CLINT1: variants seen among roughly 807,000 people sequenced by gnomAD.
CLINT1 encodes the protein clathrin interactor 1.
A neutral mutation model predicts 70.4 loss-of-function variants in CLINT1; 15 were observed. The observed-to-expected ratio is 0.21, with a 90% confidence interval of 0.14 to 0.33. CLINT1 has a LOEUF of 0.33. Among genes scored for constraint, CLINT1 ranks in the 10% least tolerant of loss-of-function variants. CLINT1 has a pLI of 1.00. For synonymous variants in CLINT1, 227 were observed against 254.7 expected (o/e 0.89, Z 1.04); for missense variants, 615 against 778.1 (o/e 0.79, Z 2.49).
chr5:157,789,849 C>T (rs903734571), intron 10 of CLINT1: 32 of 402,002 alleles, frequency 8.0e-5, no homozygotes, highest in African/African-American at 5.5e-4. Flanking sequence ...GGGGAACTAC[C>T]GATTTTAGGT....
At chr5:157,831,690 ATCCT>A in intron 1 of CLINT1, among the ~76,000 whole-genome samples, 1 of 135,610 alleles carries the variant, frequency 7.4e-6, no homozygotes, top group Non-Finnish European at 1.6e-5. Context: ...GAGTGAAAAT[ATCCT>A]TTTTTTTTTT....
chr5:157,848,739 G>C (rs983160120), intron 1 of CLINT1, among the ~76,000 whole-genome samples: 4 of 152,170 alleles, frequency 2.6e-5, no homozygotes, highest in Non-Finnish European at 5.9e-5. Context: ...TTGGCTCACC[G>C]CAACCTCTGC....
At chr5:157,807,331 G>A (rs1284129048) in intron 6 of CLINT1, among the ~76,000 whole-genome samples, 2 of 152,032 alleles carry the variant, frequency 1.3e-5, no homozygotes, top group African/African-American at 4.8e-5. Context: ...ATGACCTGAA[G>A]ATTCCCATTA....
chr5:157,809,669 C>T lies in CLINT1; in HGVS notation c.654G>A (p.Lys218=). 2 of 1,612,972 alleles carry T rather than the reference C, an allele frequency of 1.2e-6. No homozygotes were observed. Among genetic ancestry groups the T allele is most frequent in the South Asian group, 1.1e-5 (1 of 90,882 alleles). The change falls in exon 6 of 12, where the codon AAG becomes AAA. Residue 218 remains lysine, a synonymous_variant. Transcript: ENST00000411809. ...IGSTIDDTIS[K]FRRKDREDSP... is the part of the protein sequence containing the mutation. ...AGTCTTCTCTATCTTTCCTCCGGAA[C>T]TTGCTGATGGTGTCATCAATTGTGC...
intron 1 of CLINT1, among the ~76,000 whole-genome samples, chr5:157,841,779 T>A (rs1753186865): frequency 1.3e-5 from 2 of 152,030 alleles, no homozygotes; most frequent in Non-Finnish European, 2.9e-5. Flanking sequence ...CATCATCACA[T>A]AATCTGTGAG....
intron 1 of CLINT1, among the ~76,000 whole-genome samples, chr5:157,849,358 A>G (rs1753495056): frequency 6.6e-6 from 1 of 152,190 alleles, no homozygotes; most frequent in South Asian, 2.1e-4. Flanking sequence ...CTTTTTAGCA[A>G]TAAGATATTT....
chr5:157,794,655 AAG>A (rs1398490241), intron 9 of CLINT1, among the ~76,000 whole-genome samples: 1 of 152,194 alleles, frequency 6.6e-6, no homozygotes, highest in Non-Finnish European at 1.5e-5. Flanking sequence ...AAAGCTAAAC[AAG>A]AGTCACCTAT....
chr5:157,846,873 G>A (rs1476550894), intron 1 of CLINT1, among the ~76,000 whole-genome samples: 5 of 152,142 alleles, frequency 3.3e-5, no homozygotes, highest in Non-Finnish European at 5.9e-5. Flanking sequence ...AAATGATGGC[G>A]CATCTGTTTA....
intron 1 of CLINT1, among the ~76,000 whole-genome samples, chr5:157,830,052 G>C (rs904577064): frequency 6.6e-6 from 1 of 152,044 alleles, no homozygotes; most frequent in East Asian, 1.9e-4. Flanking sequence ...AGGCTCAAGC[G>C]ATCCTCTCAC....
At chr5:157,795,809 G>C (rs566287074) in intron 8 of CLINT1, 8 of 152,230 alleles carry the variant, frequency 5.3e-5, no homozygotes, top group Admixed American at 4.6e-4. Flanking sequence ...TAGCAGGATC[G>C]CTTGAGCCCA....
At chr5:157,792,163 G>A (rs986993282) in intron 9 of CLINT1, among the ~76,000 whole-genome samples, 168 bp from the exon 10 acceptor site, 2 of 152,224 alleles carry the variant, frequency 1.3e-5, no homozygotes, top group African/African-American at 4.8e-5. Flanking sequence ...TTACACGAGA[G>A]TTAACAAGGT....
rs914302839 is a variant in CLINT1 at position 157,794,952 on chromosome 5, C to T, written c.1033G>A (p.Gly345Arg). The change falls in exon 9 of 12, where the codon GGA becomes AGA. Residue 345 changes from glycine to arginine, a missense_variant. Gly to Arg is a moderately radical substitution (Grantham distance 125). Coordinates refer to ENST00000411809, the MANE Select transcript of CLINT1 (RefSeq NM_014666.4). ...GCTGAGCCAAAGTCAGCAAATCCTC[C>T]GAATAAATCAGCTGATCCTCCTAGA... Reference protein sequence around the residue: ...QSTGGSADLFGGFADFGSAAA... With the variant: ...QSTGGSADLFRGFADFGSAAA... 13 of 1,554,350 alleles carry T rather than the reference C, an allele frequency of 8.4e-6. No homozygotes were observed. Among genetic ancestry groups the T allele is most frequent in the East Asian group, 7.3e-5 (3 of 41,290 alleles).
At chr5:157,808,281 T>C (rs1762446361) in intron 6 of CLINT1, among the ~76,000 whole-genome samples, 1 of 152,116 alleles carries the variant, frequency 6.6e-6, no homozygotes, top group Non-Finnish European at 1.5e-5. Flanking sequence ...TATGAAAACA[T>C]CCTAAAAATA....
At chr5:157,817,337 T>G (rs1198630109) in intron 2 of CLINT1, 106 bp downstream of exon 2, 1 of 704,862 alleles carries the variant, frequency 1.4e-6, no homozygotes, top group African/African-American at 1.8e-5. Context: ...TTATGCAAAA[T>G]TTATATTTTG....
intron 8 of CLINT1, among the ~76,000 whole-genome samples, chr5:157,798,214 C>T (rs538073787): frequency 6.6e-6 from 1 of 152,090 alleles, no homozygotes; most frequent in Non-Finnish European, 1.5e-5. Flanking sequence ...AGCATTTTCC[C>T]AGAAAACTTC....
rs1006890296 is a variant in CLINT1 at position 157,796,643 on chromosome 5, T to C, written c.1013-1671A>G. 3.3e-5 allele frequency among the ~76,000 whole-genome samples: 5 copies of C among 152,186 alleles called. No homozygotes were observed. In the East Asian group the frequency reaches 7.7e-4, roughly 23 times the overall value. ...ACCAGGGACAGCTTCCAACATCTGGTGCCATTTCTGAATTGTCTTATCGCT... is the reference window on the plus strand; with the variant it reads ...ACCAGGGACAGCTTCCAACATCTGGCGCCATTTCTGAATTGTCTTATCGCT... On this transcript the variant is annotated intron_variant, in intron 8 of 11. Transcript: ENST00000411809.
In CLINT1 at chr5:157,830,796, CTATA is replaced by C. The variant is rs369160163; in HGVS notation, c.42-13253_42-13250del. Among the ~76,000 whole-genome samples the C allele has an allele frequency of 8.8e-3, 753 of 85,662 alleles. 9 individuals carry two copies. Among genetic ancestry groups the C allele is most frequent in the Middle Eastern group, 0.021 (3 of 146 alleles). 56.2% of individuals were successfully genotyped at this position (85,662 alleles called of 152,430 possible). A position where few individuals can be genotyped will look rare whatever the true frequency, so the allele number is the denominator to read the frequency against. ...TCTCTCTCTCTCTCTCTCTCTCTCTCTATATATATATATATATATAGAAACACAT... is the reference window on the plus strand; with the variant it reads ...TCTCTCTCTCTCTCTCTCTCTCTCTCTATATATATATATATAGAAACACAT... On this transcript the variant is annotated intron_variant, in intron 1 of 11. Transcript: ENST00000411809.
At chr5:157,846,599 T>A (rs563812993) in intron 1 of CLINT1, among the ~76,000 whole-genome samples, 295 of 152,326 alleles carry the variant, frequency 1.9e-3, no homozygotes, top group African/African-American at 6.9e-3. Context: ...AAGGTCTAGC[T>A]AAGATCATCT....
rs116769755 is a variant in CLINT1, at chr5:157,796,795, A to G, written c.1013-1823T>C. On this transcript the variant is annotated intron_variant, in intron 8 of 11. Transcript: ENST00000411809. ...AGTTTCTGATATGTGTGTACTTGGT[A>G]TTTCTTTTTAATGCATATTTACTGT... Among the ~76,000 whole-genome samples the G allele has an allele frequency of 3.8e-3, 576 of 152,272 alleles. 5 individuals carry two copies. The highest frequency in any genetic ancestry group is 6.4e-3 in the Non-Finnish European group (432 of 68,016).
Sources: allele counts gnomAD v4.1 joint callset (sites outside exome capture counted in the v4.1 genomes callset), GRCh38; gene constraint gnomAD v4.1.1; transcripts MANE v1.5; gene names NCBI Gene and HGNC (gene_info 2026-07-23, HGNC 2026-07-21).